FANCM: variants seen among roughly 807,000 people sequenced by gnomAD.
FANCM encodes FA complementation group M, also known as Fanconi anemia group M protein.
A neutral mutation model predicts 199.5 loss-of-function variants in FANCM; 140 were observed. That is an observed-to-expected ratio of 0.70 (90% confidence interval 0.61 to 0.81). The LOEUF (loss-of-function observed/expected upper bound fraction) is 0.81, where lower values mean the gene tolerates loss of function less well. Ranked by LOEUF, FANCM falls within the 30% of genes least tolerant of loss-of-function variation. FANCM has a pLI of 0.00. For synonymous variants in FANCM, 840 were observed against 836.8 expected (o/e 1.00, Z -0.07); for missense variants, 2,410 against 2,421.4 (o/e 1.00, Z 0.10).
At chr14:45,141,463 ACTCCCCTCCC>A (rs1160097559) in intron 3 of FANCM, among the ~76,000 whole-genome samples, 23 of 124,594 alleles carry the variant, frequency 1.8e-4, no homozygotes, top group Middle Eastern at 4.4e-3. Flanking sequence ...TGGTTGCAGG[ACTCCCCTCCC>A]CTCCCCTCCC....
intron 8 of FANCM, 82 bp from the exon 9 acceptor site, chr14:45,159,014 C>T (rs981583017): frequency 1.1e-6 from 1 of 871,756 alleles, no homozygotes; most frequent in Admixed American, 2.7e-5. Flanking sequence ...AGCATTAACA[C>T]TTTCAGGTTT....
intron 10 of FANCM, among the ~76,000 whole-genome samples, chr14:45,165,847 T>C (rs1887931509): frequency 6.6e-6 from 1 of 152,202 alleles, no homozygotes; most frequent in African/African-American, 2.4e-5. Flanking sequence ...TACATTGTGC[T>C]GCGTAATGTT....
At chr14:45,146,240 G>GAAA (rs143430263) in intron 3 of FANCM, among the ~76,000 whole-genome samples, 1,390 of 93,034 alleles carry the variant, frequency 0.015, 62 homozygotes, top group Admixed American at 0.036. Context: ...GACTCCGTCT[G>GAAA]AAAAAAAAAA....
At chr14:45,174,607 A>G (rs999268177) in intron 13 of FANCM, among the ~76,000 whole-genome samples, 1 of 152,190 alleles carries the variant, frequency 6.6e-6, no homozygotes, top group African/African-American at 2.4e-5. Flanking sequence ...ACAACCTAGC[A>G]GACATACAGG....
chr14:45,148,784 A>G, intron 3 of FANCM, 53 bp from the exon 4 acceptor site: 1 of 1,327,662 alleles, frequency 7.5e-7, no homozygotes. Context: ...AGTGACTTAA[A>G]CTAAAAAATT....
intron 18 of FANCM, among the ~76,000 whole-genome samples, chr14:45,187,571 C>T (rs985822029): frequency 1.3e-5 from 2 of 152,224 alleles, no homozygotes; most frequent in Non-Finnish European, 2.9e-5. Context: ...CATGATCACT[C>T]AACTAGAAAA....
At chr14:45,147,208 G>A (rs1030678972) in intron 3 of FANCM, among the ~76,000 whole-genome samples, 2 of 152,090 alleles carry the variant, frequency 1.3e-5, no homozygotes, top group African/African-American at 2.4e-5. Context: ...TGGGCACTGC[G>A]CCAGGTATTG....
At chr14:45,197,376 G>T (rs1890118613) in intron 21 of FANCM, among the ~76,000 whole-genome samples, 1 of 152,112 alleles carries the variant, frequency 6.6e-6, no homozygotes, top group South Asian at 2.1e-4. Context: ...ATTGGTGTGG[G>T]AGTTGGGCAG....
chr14:45,159,080 T>TTA lies in FANCM; in HGVS notation c.1397-3_1397-2dup, dbSNP rs112326758. Reference sequence around the variant, plus strand: ...TTGTAAAAAGTTGTAATTAAAGTTTTTATATATATATATAGCTGAAAACAC... The same window carrying TTA: ...TTGTAAAAAGTTGTAATTAAAGTTTTTATATATATATATATAGCTGAAAACAC... On this transcript the variant is annotated splice_polypyrimidine_tract_variant and intron_variant, in intron 8 of 22. Coordinates refer to ENST00000267430, the MANE Select transcript of FANCM (RefSeq NM_020937.4). The TTA allele has an allele frequency of 3.2e-3, 4,464 of 1,410,540 alleles. 1 individual carries two copies. Among genetic ancestry groups the TTA allele is most frequent in the Non-Finnish European group, 3.5e-3 (3,666 of 1,033,564 alleles). The allele number at this position is 1,410,540 out of a possible 1,614,324, so 87.4% of individuals were successfully genotyped here. A position where few individuals can be genotyped will look rare whatever the true frequency, so the allele number is the denominator to read the frequency against.
At chr14:45,183,557 A>C in intron 16 of FANCM, among the ~76,000 whole-genome samples, 1 of 152,304 alleles carries the variant, frequency 6.6e-6, no homozygotes, top group Non-Finnish European at 1.5e-5. Flanking sequence ...ATTCGATGTA[A>C]TACTATATTG....
At chr14:45,153,238 C>T (rs781038927) in intron 5 of FANCM, among the ~76,000 whole-genome samples, 1 of 152,118 alleles carries the variant, frequency 6.6e-6, no homozygotes, top group Non-Finnish European at 1.5e-5. Context: ...GCCTCTTAGC[C>T]AAAATTCCTG....
At chr14:45,138,644 A>T (rs1431938784) in intron 2 of FANCM, among the ~76,000 whole-genome samples, 1 of 152,226 alleles carries the variant, frequency 6.6e-6, no homozygotes, top group Non-Finnish European at 1.5e-5. Flanking sequence ...AAAATTTTTT[A>T]AAATTCAAAC....
chr14:45,166,373 G>A (rs938761264), intron 10 of FANCM, among the ~76,000 whole-genome samples: 17 of 151,888 alleles, frequency 1.1e-4, no homozygotes, highest in Admixed American at 2.0e-4. Context: ...TCCGGACCTC[G>A]TGATCTGCCC....
intron 22 of FANCM, 54 bp downstream of exon 22, chr14:45,198,989 A>G: frequency 2.2e-6 from 3 of 1,388,278 alleles, no homozygotes; most frequent in Non-Finnish European, 3.0e-6. Context: ...TCGTAAAAGC[A>G]TTCCATAGAA....
chr14:45,172,178 C>T (rs1034457110), intron 12 of FANCM, among the ~76,000 whole-genome samples: 1 of 151,788 alleles, frequency 6.6e-6, no homozygotes, highest in Admixed American at 6.6e-5. Flanking sequence ...GATATTAATC[C>T]TTTGTTGGAT....
intron 9 of FANCM, among the ~76,000 whole-genome samples, chr14:45,161,581 CCAACTAGGG>C (rs1456262300): frequency 6.6e-6 from 1 of 152,062 alleles, no homozygotes; most frequent in African/African-American, 2.4e-5. Context: ...GAGTTCGAGA[CCAACTAGGG>C]CAACATGGTA....
chr14:45,190,659 A>G (rs890669495), intron 20 of FANCM, among the ~76,000 whole-genome samples: 3 of 151,652 alleles, frequency 2.0e-5, no homozygotes, highest in Non-Finnish European at 4.4e-5. Context: ...TGCCTTAGCC[A>G]CATGCTTGAC....
Position 45,198,734 on chromosome 14 carries a change from C to G in FANCM, c.5807C>G (p.Ser1936Cys). ...GCTGGAATCCGAATTCTTTTCAGTT[C>G]CTGCCAAGAAGAAACCGCAGATTTG... ...IGAGIRILFS[S>C]CQEETADLLK... The change falls in exon 22 of 23, where the codon TCC (serine) becomes TGC (cysteine). Residue 1936 changes from serine to cysteine, a missense_variant. Transcript: ENST00000267430. 1 of 1,613,784 alleles carries G rather than the reference C, an allele frequency of 6.2e-7. No individual in the cohort carries two copies. Among genetic ancestry groups the G allele is most frequent in the Non-Finnish European group, 8.5e-7 (1 of 1,179,796 alleles).
chr14:45,185,907 TA>T (rs1367229784), intron 18 of FANCM, among the ~76,000 whole-genome samples: 2 of 152,180 alleles, frequency 1.3e-5, no homozygotes, highest in Non-Finnish European at 2.9e-5. Context: ...TTTTTAGTTT[TA>T]TTTTTTTAGA....
Sources: allele counts gnomAD v4.1 joint callset (sites outside exome capture counted in the v4.1 genomes callset), GRCh38; gene constraint gnomAD v4.1.1; transcripts MANE v1.5; gene names NCBI Gene and HGNC (gene_info 2026-07-23, HGNC 2026-07-21).